The following TANC1 variants were observed in gnomAD, a reference collection of about 807,000 sequenced individuals.
The protein encoded by TANC1 is tetratricopeptide repeat, ankyrin repeat and coiled-coil containing 1.
TANC1 carries 77 observed loss-of-function variants against 149.7 expected under a neutral mutation model. The ratio of observed to expected loss-of-function variants is 0.51; its 90% CI spans 0.43 to 0.62. The LOEUF (loss-of-function observed/expected upper bound fraction) is 0.62. Among genes scored for constraint, TANC1 ranks in the 20% least tolerant of loss-of-function variants. The pLI, the probability that TANC1 is intolerant of heterozygous loss-of-function variation, is 0.00. For synonymous variants in TANC1, 854 were observed against 925.0 expected, an observed-to-expected ratio of 0.92 and a Z score of 1.39; for missense variants, 1,985 against 2,321.8, an observed-to-expected ratio of 0.85 and a Z score of 2.98.
At chr2:159,210,191 T>C (rs1296920403) in intron 19 of TANC1, among the ~76,000 whole-genome samples, 3 of 152,160 alleles carry the variant, frequency 2.0e-5, no homozygotes, top group African/African-American at 7.2e-5. Flanking sequence ...AAGGTCATAG[T>C]CTGCCAGCGG....
chr2:159,175,002 T>C lies in TANC1; in HGVS notation c.1553T>C (p.Val518Ala), dbSNP rs1344650845. The change falls in exon 12 of 27, where the codon GTG (valine) becomes GCG (alanine). Residue 518 changes from valine to alanine, a missense_variant. Physicochemically the swap from Val to Ala is moderately conservative, Grantham distance 64. This residue lies in a region of TANC1 where 508 missense variants were observed against 714.2 expected (regional missense o/e 0.71). Transcript: ENST00000263635. ...CQADNTYTCLVPEFVHSIAAL... is the reference protein window; with the variant it reads ...CQADNTYTCLAPEFVHSIAAL... Reference sequence around the variant, plus strand: ...GCTGACAACACGTACACTTGCCTGGTGCCCGAGTTTGTGCACAGCATCGCA... The same window carrying C: ...GCTGACAACACGTACACTTGCCTGGCGCCCGAGTTTGTGCACAGCATCGCA... The C allele has an allele frequency of 2.5e-6, 4 of 1,614,050 alleles. No homozygotes were observed. Among genetic ancestry groups the C allele is most frequent in the Non-Finnish European group, 3.4e-6 (4 of 1,180,038 alleles).
At chr2:159,136,047 T>TGTGTGC (rs1457762905) in intron 4 of TANC1, 147 bp from the exon 5 acceptor site, 6,572 of 211,090 alleles carry the variant, frequency 0.031, 911 homozygotes, top group Non-Finnish European at 0.038. Context: ...TGTGTGTGTG[T>TGTGTGC]GTGCGCGCGC....
At chr2:159,174,260 T>G (rs1445429515) in intron 11 of TANC1, among the ~76,000 whole-genome samples, 1 of 152,182 alleles carries the variant, frequency 6.6e-6, no homozygotes, top group African/African-American at 2.4e-5. Context: ...CTGCTGACAC[T>G]GCAGGTCCCT....
intron 19 of TANC1, among the ~76,000 whole-genome samples, chr2:159,210,367 T>G (rs1248228519): frequency 6.6e-6 from 1 of 152,144 alleles, no homozygotes; most frequent in Non-Finnish European, 1.5e-5. Flanking sequence ...CAGATCTGCT[T>G]TAAAATTTTA....
intron 2 of TANC1, among the ~76,000 whole-genome samples, chr2:159,024,282 C>T (rs1300431401): frequency 6.6e-6 from 1 of 152,108 alleles, no homozygotes; most frequent in Non-Finnish European, 1.5e-5. Context: ...TGTTATAGTG[C>T]AGTTACCTTA....
intron 2 of TANC1, among the ~76,000 whole-genome samples, chr2:159,027,896 C>T (rs574685877): frequency 3.3e-4 from 51 of 152,272 alleles, no homozygotes; most frequent in African/African-American, 1.0e-3. Flanking sequence ...TGCTTCATAA[C>T]GTGGTAGAAG....
chr2:159,173,342 C>CTT (rs1207634165), intron 11 of TANC1, among the ~76,000 whole-genome samples: 1 of 152,192 alleles, frequency 6.6e-6, no homozygotes, highest in Non-Finnish European at 1.5e-5. Context: ...GCGGCTCATG[C>CTT]TTGTAATCCC....
chr2:159,069,720 C>T (rs1574453665), intron 3 of TANC1, among the ~76,000 whole-genome samples: 1 of 138,888 alleles, frequency 7.2e-6, no homozygotes, highest in Middle Eastern at 3.5e-3. Flanking sequence ...TCCCATTTTA[C>T]AATAGAACAA....
chr2:159,206,744 T>C (rs1167454338), intron 19 of TANC1, among the ~76,000 whole-genome samples: 1 of 152,208 alleles, frequency 6.6e-6, no homozygotes, highest in Non-Finnish European at 1.5e-5. Context: ...AGATGTGAGG[T>C]TGTGTAAAAT....
chr2:159,049,586 G>A (rs745815179), intron 2 of TANC1, among the ~76,000 whole-genome samples: 10 of 152,098 alleles, frequency 6.6e-5, no homozygotes, highest in Middle Eastern at 3.2e-3. Context: ...CTGGCCTAAC[G>A]TTACAGGTTT....
At position 159,178,999 on chromosome 2, in the gene TANC1, C is replaced by G. The variant is rs1429184728; in HGVS notation, c.2346C>G (p.Ile782Met). The G allele has an allele frequency of 1.9e-6, 3 of 1,614,106 alleles. No individual in the cohort carries two copies. ...QIFQAINAGH[I>M]QGEQGWEDFQ... ...TTCAGGCTATTAATGCTGGCCACAT[C>G]CAGGGGGAGCAGGGATGGGAAGACT... Residue 782 changes from isoleucine (I) to methionine (M), a missense_variant, in exon 14 of 27, where the codon ATC becomes ATG. Ile to Met is a conservative substitution (Grantham distance 10, BLOSUM62 1). This residue lies in a region of TANC1 where 508 missense variants were observed against 714.2 expected (regional missense o/e 0.71). Coordinates refer to ENST00000263635, the MANE Select transcript of TANC1 (RefSeq NM_033394.3).
intron 3 of TANC1, among the ~76,000 whole-genome samples, chr2:159,094,208 GC>G (rs1406554896): frequency 2.0e-5 from 3 of 152,172 alleles, no homozygotes; most frequent in Non-Finnish European, 4.4e-5. Flanking sequence ...CATTTGACTA[GC>G]TGGGTCTGTG....
intron 9 of TANC1, among the ~76,000 whole-genome samples, chr2:159,169,807 A>G (rs1488374241): frequency 2.0e-5 from 3 of 152,146 alleles, no homozygotes; most frequent in Admixed American, 6.5e-5. Flanking sequence ...AGCCTGGCCA[A>G]TGTGGTGAAA....
chr2:158,987,231 A>C (rs905107647), intron 1 of TANC1, among the ~76,000 whole-genome samples: 22 of 149,506 alleles, frequency 1.5e-4, no homozygotes, highest in African/African-American at 4.9e-4. Flanking sequence ...AAAAAAAAAA[A>C]AGAGTCACTG....
chr2:159,094,898 A>G (rs1173246619), intron 3 of TANC1, among the ~76,000 whole-genome samples: 1 of 151,948 alleles, frequency 6.6e-6, no homozygotes, highest in East Asian at 1.9e-4. Context: ...CATTTGCATG[A>G]ATGTCCTTAT....
intron 2 of TANC1, among the ~76,000 whole-genome samples, chr2:159,037,045 C>G (rs369107397): frequency 5.9e-5 from 9 of 152,098 alleles, no homozygotes; most frequent in African/African-American, 2.2e-4. Flanking sequence ...TTTTAATGAT[C>G]GCCGTTCTAA....
At chr2:159,113,175 CT>C (rs2047928704) in intron 4 of TANC1, among the ~76,000 whole-genome samples, 1 of 152,136 alleles carries the variant, frequency 6.6e-6, no homozygotes, top group South Asian at 2.1e-4. Context: ...CCAGGCTGGT[CT>C]TGAACTCCTG....
chr2:159,005,956 T>A (rs2037121898), intron 2 of TANC1, among the ~76,000 whole-genome samples: 1 of 152,102 alleles, frequency 6.6e-6, no homozygotes, highest in Non-Finnish European at 1.5e-5. Context: ...GAAAATGTAA[T>A]TCAAGATACA....
chr2:159,005,752 T>A (rs752952739), intron 2 of TANC1, among the ~76,000 whole-genome samples: 38 of 151,976 alleles, frequency 2.5e-4, no homozygotes, highest in Non-Finnish European at 2.8e-4. Flanking sequence ...GTGCTATACA[T>A]GTTTGAAAAT....
Sources: gnomAD v4.1 joint callset for allele counts (sites outside exome capture counted in the v4.1 genomes callset) on GRCh38, gnomAD v4.1.1 for gene constraint, gnomAD v4.1.1 regional missense constraint, MANE v1.5 for transcripts, NCBI Gene and HGNC (gene_info 2026-07-23, HGNC 2026-07-21) for gene names.